MACROD2: variants seen among roughly 807,000 people sequenced by gnomAD.
The protein encoded by MACROD2 is ADP-ribose glycohydrolase MACROD2.
MACROD2 carries 36 observed loss-of-function variants against 70.4 expected under a neutral mutation model. The ratio of observed to expected loss-of-function variants is 0.51; its 90% CI spans 0.39 to 0.68. The LOEUF is 0.68. Among genes scored for constraint, MACROD2 ranks in the 30% least tolerant of loss-of-function variants. The pLI, the probability that MACROD2 is intolerant of heterozygous loss-of-function variation, is 0.00. For synonymous variants in MACROD2, 172 were observed against 178.8 expected (o/e 0.96, Z 0.30); for missense variants, 496 against 538.4 (o/e 0.92, Z 0.78).
At chr20:15,237,439 T>C (rs1012628467) in intron 6 of MACROD2, among the ~76,000 whole-genome samples, 1 of 152,242 alleles carries the variant, frequency 6.6e-6, no homozygotes, top group African/African-American at 2.4e-5. Context: ...TGTCTTTACA[T>C]GTTGAAAATA....
At chr20:14,416,563 G>C (rs984432707) in intron 3 of MACROD2, among the ~76,000 whole-genome samples, 6 of 152,154 alleles carry the variant, frequency 3.9e-5, no homozygotes, top group Admixed American at 1.3e-4. Flanking sequence ...TAAGAAAAAA[G>C]AGTCTCTTTG....
At chr20:15,667,268 C>T (rs1368918254) in intron 8 of MACROD2, among the ~76,000 whole-genome samples, 1 of 152,126 alleles carries the variant, frequency 6.6e-6, no homozygotes. Context: ...CCTGCTTTCT[C>T]CATATGATGT....
At chr20:14,565,403 CTT>C (rs997695032) in intron 4 of MACROD2, among the ~76,000 whole-genome samples, 2 of 151,702 alleles carry the variant, frequency 1.3e-5, no homozygotes, top group African/African-American at 4.8e-5. Flanking sequence ...AAGGATTCCT[CTT>C]GTTTTCCTTT....
chr20:15,484,362 C>G (rs886291146), intron 7 of MACROD2, among the ~76,000 whole-genome samples: 2 of 152,140 alleles, frequency 1.3e-5, no homozygotes, highest in Non-Finnish European at 2.9e-5. Flanking sequence ...GATTAGATCT[C>G]AGTCTCTTGG....
At chr20:14,327,309 C>T (rs1359890806) in intron 3 of MACROD2, 1 of 1,613,696 alleles carries the variant, frequency 6.2e-7, no homozygotes, top group Non-Finnish European at 8.5e-7. Context: ...TTTGGTTGTT[C>T]TGAAGGTAGA....
intron 5 of MACROD2, among the ~76,000 whole-genome samples, chr20:14,832,368 G>A (rs951748305): frequency 2.0e-5 from 3 of 151,950 alleles, no homozygotes; most frequent in African/African-American, 7.3e-5. Context: ...AGTAAGGGGG[G>A]TTGAAGAATG....
intron 8 of MACROD2, among the ~76,000 whole-genome samples, chr20:15,534,016 A>G (rs529482221): frequency 6.6e-6 from 1 of 152,208 alleles, no homozygotes; most frequent in Non-Finnish European, 1.5e-5. Context: ...CCAACTGTAC[A>G]GATGATAACC....
intron 8 of MACROD2, among the ~76,000 whole-genome samples, chr20:15,712,430 AG>A (rs1325003088): frequency 2.0e-5 from 3 of 152,242 alleles, no homozygotes; most frequent in Non-Finnish European, 4.4e-5. Context: ...GATGTGGCCA[AG>A]GGTTCCACTG....
intron 9 of MACROD2, among the ~76,000 whole-genome samples, chr20:15,865,467 T>A (rs2064479354): frequency 6.6e-6 from 1 of 152,202 alleles, no homozygotes. Context: ...TTTCTTTACA[T>A]GGGTAAATCA....
intron 5 of MACROD2, among the ~76,000 whole-genome samples, chr20:14,792,770 G>T (rs1011068629): frequency 1.3e-5 from 2 of 151,902 alleles, no homozygotes; most frequent in African/African-American, 4.8e-5. Context: ...AGTTGATTCA[G>T]TTTGTTTTCC....
intron 4 of MACROD2, chr20:14,621,778 G>A (rs183450362): frequency 1.3e-5 from 2 of 152,226 alleles, no homozygotes; most frequent in African/African-American, 4.8e-5. Context: ...TCTCCGTTGG[G>A]AAGTGTGTTT....
At chr20:16,030,681 A>G (rs1347558090) in intron 15 of MACROD2, among the ~76,000 whole-genome samples, 1 of 152,200 alleles carries the variant, frequency 6.6e-6, no homozygotes, top group East Asian at 1.9e-4. Flanking sequence ...TAAATGTTCC[A>G]CTCTTAGAGA....
At chr20:14,733,428 T>A (rs1213889090) in intron 5 of MACROD2, among the ~76,000 whole-genome samples, 2 of 152,170 alleles carry the variant, frequency 1.3e-5, no homozygotes, top group African/African-American at 4.8e-5. Context: ...AGAATATACA[T>A]AAACATTTAT....
chr20:15,816,347 A>G (rs1159598530), intron 8 of MACROD2, among the ~76,000 whole-genome samples: 1 of 152,110 alleles, frequency 6.6e-6, no homozygotes, highest in African/African-American at 2.4e-5. Flanking sequence ...TCGAACCCCC[A>G]AATTGTACTG....
chr20:13,996,045 C>G (rs561506477), intron 1 of MACROD2, among the ~76,000 whole-genome samples: 1 of 152,188 alleles, frequency 6.6e-6, no homozygotes, highest in Non-Finnish European at 1.5e-5. Context: ...ACGCCCCTCT[C>G]TGTTGCCCTC....
At chr20:15,655,128 CGT>C (rs2049708768) in intron 8 of MACROD2, among the ~76,000 whole-genome samples, 5 of 150,878 alleles carry the variant, frequency 3.3e-5, no homozygotes. Context: ...TATGTGTGTG[CGT>C]GTGTGTGTTG....
At chr20:15,894,568 T>G (rs2064940710) in intron 10 of MACROD2, among the ~76,000 whole-genome samples, 1 of 152,114 alleles carries the variant, frequency 6.6e-6, no homozygotes, top group Non-Finnish European at 1.5e-5. Context: ...CCAGGCTTAC[T>G]GTAAGAAAGG....
chr20:16,018,288 A>C (rs1280829712), intron 15 of MACROD2, among the ~76,000 whole-genome samples: 1 of 152,166 alleles, frequency 6.6e-6, no homozygotes, highest in South Asian at 2.1e-4. Context: ...GAACAATGCC[A>C]ACCTTCTGGT....
intron 8 of MACROD2, among the ~76,000 whole-genome samples, chr20:15,642,298 A>G (rs1568947334): frequency 1.3e-5 from 2 of 152,202 alleles, no homozygotes; most frequent in South Asian, 2.1e-4. Context: ...AAAACAATCC[A>G]TACAGGAACG....
Sources: gnomAD v4.1 joint callset for allele counts (sites outside exome capture counted in the v4.1 genomes callset) on GRCh38, gnomAD v4.1.1 for gene constraint, MANE v1.5 for transcripts, NCBI Gene and HGNC (gene_info 2026-07-23, HGNC 2026-07-21) for gene names.